The following LRSAM1 variants were observed in gnomAD, a reference collection of about 807,000 sequenced individuals.
The protein encoded by LRSAM1 is E3 ubiquitin-protein ligase LRSAM1.
Under a neutral mutation model 118.1 loss-of-function variants are expected in LRSAM1, and 96 were observed. The ratio of observed to expected loss-of-function variants is 0.81; its 90% CI spans 0.69 to 0.96. The LOEUF (loss-of-function observed/expected upper bound fraction) is 0.96, where lower values mean the gene tolerates loss of function less well. LRSAM1 is among the 40% of genes least tolerant of loss of function. The pLI, the probability that LRSAM1 is intolerant of heterozygous loss-of-function variation, is 0.00. For synonymous variants in LRSAM1, 322 were observed against 364.2 expected, an observed-to-expected ratio of 0.88 and a Z score of 1.32; for missense variants, 804 against 915.5, an observed-to-expected ratio of 0.88 and a Z score of 1.57.
rs148528063 is a variant in LRSAM1, at chr9:127,459,017, C to T, written c.267C>T (p.His89=). 34 of 1,613,666 alleles carry T rather than the reference C, an allele frequency of 2.1e-5. No homozygotes were observed. In the African/African-American group the frequency reaches 3.6e-4, roughly 17 times the overall value. ...TTCTTCTGCAGGTTCTAGATCTCCA[C>T]GATAATCAGCTGACAGCCCTTCCTG... ...SLATIKVLDL[H]DNQLTALPDD... Residue 89 remains histidine, a synonymous_variant, in exon 7 of 26, where the codon CAC becomes CAT. Transcript: ENST00000300417.
At chr9:127,473,699 T>G in intron 10 of LRSAM1, 102 bp from the exon 11 acceptor site, 4 of 1,530,198 alleles carry the variant, frequency 2.6e-6, no homozygotes, top group Non-Finnish European at 3.6e-6. Context: ...GAGCAGTGGC[T>G]GAGTCAGGGT....
chr9:127,489,265 G>C (rs1050364995), intron 18 of LRSAM1, among the ~76,000 whole-genome samples, 179 bp from the exon 19 acceptor site: 1 of 152,202 alleles, frequency 6.6e-6, no homozygotes, highest in South Asian at 2.1e-4. Context: ...GAGGCTGCCC[G>C]AAGTGAGCCC....
intron 14 of LRSAM1, among the ~76,000 whole-genome samples, chr9:127,480,316 C>T (rs1011493583): frequency 4.6e-5 from 7 of 152,192 alleles, no homozygotes; most frequent in African/African-American, 1.4e-4. Flanking sequence ...TTGGGTTCTG[C>T]GTAACCCGTT....
At chr9:127,457,280 C>A (rs754120092) in intron 5 of LRSAM1, 36 bp from the exon 6 acceptor site, 2 of 1,611,392 alleles carry the variant, frequency 1.2e-6, no homozygotes, top group Non-Finnish European at 1.7e-6. Flanking sequence ...TGCTGCTCTT[C>A]CTCAGCCCAG....
At chr9:127,497,408 T>G in intron 24 of LRSAM1, 74 bp downstream of exon 24, 1 of 1,445,142 alleles carries the variant, frequency 6.9e-7, no homozygotes, top group Non-Finnish European at 9.6e-7. Context: ...GACAGTCATT[T>G]GCTTACATTT....
Position 127,475,047 on chromosome 9 carries a change from TTTATTATTA to T in LRSAM1, c.750+1134_750+1142del, listed in dbSNP as rs149765084. ...CTGCTGCTGGGAATGCATTTGGGAT[TTTATTATTA>T]TTATTATTATTATTATTTTATAGTT... On this transcript the variant is annotated intron_variant, in intron 11 of 25. Transcript: ENST00000300417. Among the ~76,000 whole-genome samples, 5 of 149,176 alleles carry T rather than the reference TTTATTATTA, an allele frequency of 3.4e-5. No individual in the cohort carries two copies. In the South Asian group the frequency reaches 8.5e-4, roughly 25 times the overall value.
intron 5 of LRSAM1, among the ~76,000 whole-genome samples, chr9:127,456,193 C>G: frequency 6.8e-6 from 1 of 146,708 alleles, no homozygotes. Flanking sequence ...GTGTTCCCTG[C>G]CAACAGAGTA....
At chr9:127,483,335 G>A (rs1417525767) in intron 16 of LRSAM1, among the ~76,000 whole-genome samples, 1 of 152,012 alleles carries the variant, frequency 6.6e-6, no homozygotes, top group Admixed American at 6.6e-5. Flanking sequence ...TAATCCCAGC[G>A]CTTTAGGAAG....
Position 127,476,174 on chromosome 9 carries a change from C to A in LRSAM1, c.750+2243C>A, listed in dbSNP as rs1027585850. 2.0e-5 allele frequency among the ~76,000 whole-genome samples: 3 copies of A among 152,132 alleles called. No homozygotes were observed. In the East Asian group the frequency reaches 5.8e-4, roughly 29 times the overall value. The stretch of plus-strand genomic sequence containing the variant: ...AGCCTTATTTGTAGTATTGGATGCC[C>A]CCCAAATGTTTGTCAGTGAGAAGGC... On this transcript the variant is annotated intron_variant, in intron 11 of 25. Transcript: ENST00000300417.
At chr9:127,466,509 T>TA (rs1834951315) in intron 9 of LRSAM1, among the ~76,000 whole-genome samples, 1 of 74,602 alleles carries the variant, frequency 1.3e-5, no homozygotes. Flanking sequence ...TATATATTTT[T>TA]TTTTTTTTTT....
chr9:127,457,232 G>A, intron 5 of LRSAM1, 84 bp from the exon 6 acceptor site: 1 of 1,497,422 alleles, frequency 6.7e-7, no homozygotes, highest in Non-Finnish European at 9.2e-7. Context: ...GCGTGGCACG[G>A]CGCTGGGCTG....
At chr9:127,461,779 G>A (rs1230096903) in intron 8 of LRSAM1, among the ~76,000 whole-genome samples, 1 of 152,226 alleles carries the variant, frequency 6.6e-6, no homozygotes, top group African/African-American at 2.4e-5. Context: ...CGCCTTACCC[G>A]CAGGAGCGCT....
At position 127,497,288 on chromosome 9, in the gene LRSAM1, C is replaced by A; in HGVS notation, c.1866C>A (p.Ile622=). Residue 622 remains isoleucine (I), a synonymous_variant, in exon 24 of 26, where the codon ATC becomes ATA. Transcript: ENST00000300417. ...CAGAAGCTGGCCTGCAGCACGAGATCCTCCGGAGAGTCCAGGAACTGCTGG... is the reference window on the plus strand; with the variant it reads ...CAGAAGCTGGCCTGCAGCACGAGATACTCCGGAGAGTCCAGGAACTGCTGG... ...GVSEAGLQHE[I]LRRVQELLDA... is the part of the protein sequence containing the mutation. The A allele has an allele frequency of 6.2e-7, 1 of 1,613,192 alleles. No homozygotes were observed.
At chr9:127,460,769 G>A (rs545783565) in intron 7 of LRSAM1, among the ~76,000 whole-genome samples, 200 of 151,952 alleles carry the variant, frequency 1.3e-3, no homozygotes, top group African/African-American at 4.7e-3. Flanking sequence ...GGGTGCCCTG[G>A]CCCGGCAGGG....
rs757816455 is a variant in LRSAM1, at chr9:127,496,086, C to T, written c.1821C>T (p.Asp607=). The change falls in exon 23 of 26, where the codon GAC becomes GAT. Residue 607 remains aspartate (D), a synonymous_variant. Transcript: ENST00000300417. ...LDLLSQMSPG[D]LAKVGVSEAG... is the part of the protein sequence containing the mutation. ...TGCTGAGCCAAATGAGCCCAGGGGA[C>T]CTGGCCAAGGTGGGCAGCAGCCGTC... 6.2e-7 allele frequency: 1 copy of T among 1,610,170 alleles called. No individual in the cohort carries two copies. The highest frequency in any genetic ancestry group is 8.5e-7 in the Non-Finnish European group (1 of 1,180,008).
chr9:127,487,496 C>T, intron 17 of LRSAM1, 180 bp from the exon 18 acceptor site: 1 of 600,476 alleles, frequency 1.7e-6, no homozygotes, highest in Non-Finnish European at 3.1e-6. Flanking sequence ...TCCCTCCAGG[C>T]CATGGGATTC....
intron 10 of LRSAM1, among the ~76,000 whole-genome samples, chr9:127,470,428 T>A (rs1007934055): frequency 6.6e-6 from 1 of 151,992 alleles, no homozygotes; most frequent in Non-Finnish European, 1.5e-5. Context: ...GCTCCCATGA[T>A]CTAATCACCT....
At chr9:127,489,341 C>A in intron 18 of LRSAM1, 103 bp from the exon 19 acceptor site, 1 of 1,340,364 alleles carries the variant, frequency 7.5e-7, no homozygotes, top group Non-Finnish European at 1.0e-6. Context: ...AAAAACCCAT[C>A]CATTAAGGTG....
chr9:127,483,844 G>A (rs965185775), intron 16 of LRSAM1, among the ~76,000 whole-genome samples: 2 of 152,124 alleles, frequency 1.3e-5, no homozygotes, highest in Admixed American at 1.3e-4. Context: ...TGTATTTTTA[G>A]TAGAGATGGG....
Sources: gnomAD v4.1 joint callset for allele counts (sites outside exome capture counted in the v4.1 genomes callset) on GRCh38, gnomAD v4.1.1 for gene constraint, MANE v1.5 for transcripts, NCBI Gene and HGNC (gene_info 2026-07-23, HGNC 2026-07-21) for gene names.